The following HTRA4 variants were observed in gnomAD, a reference collection of about 807,000 sequenced individuals.
The protein encoded by HTRA4 is HtrA serine peptidase 4, also known as serine protease HTRA4.
Under a neutral mutation model 49.1 loss-of-function variants are expected in HTRA4, and 46 were observed. The observed-to-expected ratio is 0.94, with a 90% confidence interval of 0.74 to 1.20. HTRA4 has a LOEUF of 1.20. Among genes scored for constraint, HTRA4 ranks in the 50% most tolerant of loss-of-function variants. HTRA4 has a pLI of 0.00. For missense variants in HTRA4, 602 were observed against 636.9 expected (o/e 0.95, Z 0.59); for synonymous variants, 261 against 264.0 (o/e 0.99, Z 0.11).
At chr8:38,976,121 CTG>C (rs1835348114) in intron 2 of HTRA4, among the ~76,000 whole-genome samples, 1 of 152,146 alleles carries the variant, frequency 6.6e-6, no homozygotes, top group Non-Finnish European at 1.5e-5. Context: ...TCTGAGAAAA[CTG>C]AAGGAAGGCT....
At chr8:38,978,198 A>T in intron 4 of HTRA4, 51 bp downstream of exon 4, 2 of 1,479,330 alleles carry the variant, frequency 1.4e-6, no homozygotes, top group Non-Finnish European at 9.2e-7. Context: ...GGACCAGTAC[A>T]GGTCCATGGC....
rs1810114989 is a variant in HTRA4, at chr8:38,988,534, T to G, written c.*436T>G. On this transcript the variant is annotated 3_prime_UTR_variant, in exon 9 of 9. Coordinates refer to ENST00000302495, the MANE Select transcript of HTRA4 (RefSeq NM_153692.4). ...CAAAAATAGCTAATGCATGCTGGGC[T>G]TAACACCCAGGTGATGGGTTGATTG... 1 of 153,470 alleles carries G rather than the reference T, an allele frequency of 6.5e-6. No homozygotes were observed. Among genetic ancestry groups the G allele is most frequent in the Admixed American group, 6.5e-5 (1 of 15,338 alleles). The allele number at this position is 153,470 out of a possible 1,614,324, so 9.5% of individuals were successfully genotyped here.
At position 38,974,510 on chromosome 8, in the gene HTRA4, G is replaced by T. The variant is rs1393764237; in HGVS notation, c.247G>T (p.Ala83Ser). 4 of 1,473,500 alleles carry T rather than the reference G, an allele frequency of 2.7e-6. No homozygotes were observed. The highest frequency in any genetic ancestry group is 1.5e-5 in the African/African-American group (1 of 67,664). The allele number at this position is 1,473,500 out of a possible 1,614,324, so 91.3% of individuals were successfully genotyped here. Residue 83 changes from alanine (A) to serine (S), a missense_variant, in exon 1 of 9, where the codon GCG becomes TCG. By Grantham distance (99) the Ala-to-Ser change is moderately conservative. Transcript: ENST00000302495. ...PAAEREVCGG[A>S]QGQPCAPGLQ... Reference sequence around the variant, plus strand: ...GGCCGAGCGTGAAGTCTGCGGCGGGGCGCAGGGCCAACCGTGCGCCCCGGG... The same window carrying T: ...GGCCGAGCGTGAAGTCTGCGGCGGGTCGCAGGGCCAACCGTGCGCCCCGGG...
chr8:38,987,888 AATTCTTGTTAT>A, intron 8 of HTRA4, 37 bp from the exon 9 acceptor site: 1 of 1,476,166 alleles, frequency 6.8e-7, no homozygotes, highest in South Asian at 1.4e-5. Flanking sequence ...GGATAAGTAA[AATTCTTGTTAT>A]AGTTTCATGA....
At chr8:38,986,993 T>C (rs1174399369) in intron 8 of HTRA4, among the ~76,000 whole-genome samples, 2 of 152,264 alleles carry the variant, frequency 1.3e-5, no homozygotes, top group Non-Finnish European at 2.9e-5. Flanking sequence ...TCTTTCTTTG[T>C]ACTCACTGGT....
intron 4 of HTRA4, 53 bp downstream of exon 4, chr8:38,978,200 G>A: frequency 6.7e-7 from 1 of 1,484,666 alleles, no homozygotes; most frequent in Non-Finnish European, 9.1e-7. Flanking sequence ...ACCAGTACAG[G>A]TCCATGGCCT....
chr8:38,974,423 A>C lies in HTRA4; in HGVS notation c.160A>C (p.Thr54Pro). Reference sequence around the variant, plus strand: ...GCCCACGCGCTGCCCCGCGCTGCCCACCTGCGCGCTGGGGACCACGCCGGT... The same window carrying C: ...GCCCACGCGCTGCCCCGCGCTGCCCCCCTGCGCGCTGGGGACCACGCCGGT... ...CQPTRCPALP[T>P]CALGTTPVFD... Residue 54 changes from threonine to proline, a missense_variant, in exon 1 of 9, where the codon ACC becomes CCC. Transcript: ENST00000302495. The C allele has an allele frequency of 6.4e-7, 1 of 1,550,844 alleles. No individual in the cohort carries two copies. Among genetic ancestry groups the C allele is most frequent in the East Asian group, 2.4e-5 (1 of 41,508 alleles).
rs1835436414 is a variant in HTRA4, at chr8:38,982,557, T to C, written c.1172+2T>C. ...GCAAATGCTGTCCCTCACTGTGCCG[T>C]AAGCATGTGTTTGAATATGTCTGGG... On this transcript the variant is annotated splice_donor_variant, in intron 7 of 8. Transcript: ENST00000302495. LOFTEE classifies it high-confidence loss of function. 6.2e-7 allele frequency: 1 copy of C among 1,613,944 alleles called. No homozygotes were observed. Among genetic ancestry groups the C allele is most frequent in the Admixed American group, 1.7e-5 (1 of 60,000 alleles).
At chr8:38,985,702 C>T (rs1588295489) in intron 8 of HTRA4, among the ~76,000 whole-genome samples, 1 of 152,300 alleles carries the variant, frequency 6.6e-6, no homozygotes, top group East Asian at 1.9e-4. Context: ...AAGACCAAAG[C>T]TATTTCTTTC....
intron 5 of HTRA4, among the ~76,000 whole-genome samples, chr8:38,979,767 T>C (rs1245918284): frequency 3.3e-5 from 5 of 152,246 alleles, no homozygotes; most frequent in African/African-American, 1.2e-4. Context: ...TCCTCCTGCC[T>C]TGGCCTCCCA....
chr8:38,975,210 G>A (rs1289215044), intron 2 of HTRA4, 80 bp downstream of exon 2: 39 of 1,388,878 alleles, frequency 2.8e-5, no homozygotes, highest in Non-Finnish European at 3.4e-5. Flanking sequence ...CTTCGCAAGC[G>A]TCATTTAATC....
At position 38,976,635 on chromosome 8, in the gene HTRA4, C is replaced by A; in HGVS notation, c.667C>A (p.Gln223Lys). 6.2e-7 allele frequency: 1 copy of A among 1,614,130 alleles called. No homozygotes were observed. ...IITNAHVVRN[Q>K]QWIEVVLQNG... ...TACCAATGCCCATGTTGTCAGGAAC[C>A]AGCAGTGGATTGAGGTGGTGCTCCA... The change falls in exon 3 of 9, where the codon CAG becomes AAG. Residue 223 changes from glutamine (Q) to lysine (K), a missense_variant. By Grantham distance (53) the Gln-to-Lys change is moderately conservative (BLOSUM62 1). Coordinates refer to ENST00000302495, the MANE Select transcript of HTRA4 (RefSeq NM_153692.4).
At chr8:38,980,080 A>G (rs1835399967) in intron 5 of HTRA4, among the ~76,000 whole-genome samples, 1 of 152,180 alleles carries the variant, frequency 6.6e-6, no homozygotes, top group Non-Finnish European at 1.5e-5. Flanking sequence ...ATGTATTCTT[A>G]AATTGTATTC....
At chr8:38,977,818 G>A in intron 3 of HTRA4, 135 bp from the exon 4 acceptor site, 1 of 731,250 alleles carries the variant, frequency 1.4e-6, no homozygotes, top group Non-Finnish European at 2.2e-6. Flanking sequence ...GTGTGAGTGG[G>A]TGCTTCTCAG....
Position 38,974,353 on chromosome 8 carries a change from G to T in HTRA4, c.90G>T (p.Gly30=). 1 of 1,609,668 alleles carries T rather than the reference G, an allele frequency of 6.2e-7. No individual in the cohort carries two copies. ...LLLLVPVLWA[G]AEKLHTQPSC... ...TCCTGGTGCCCGTCCTCTGGGCCGG[G>T]GCTGAAAAGCTACATACCCAGCCCT... The change falls in exon 1 of 9, where the codon GGG becomes GGT. Residue 30 remains glycine, a synonymous_variant. Transcript: ENST00000302495.
At chr8:38,982,651 C>T (rs1011241900) in intron 7 of HTRA4, 96 bp downstream of exon 7, 5 of 1,152,764 alleles carry the variant, frequency 4.3e-6, no homozygotes, top group Non-Finnish European at 5.2e-6. Flanking sequence ...TGGACCACAG[C>T]CAGGTACTCT....
intron 5 of HTRA4, among the ~76,000 whole-genome samples, chr8:38,980,465 C>T (rs1205524628): frequency 1.3e-5 from 2 of 151,896 alleles, no homozygotes; most frequent in Non-Finnish European, 2.9e-5. Flanking sequence ...CGGTGGCTCA[C>T]TCCTGTAATC....
At chr8:38,977,430 T>C (rs1047277264) in intron 3 of HTRA4, among the ~76,000 whole-genome samples, 1 of 152,184 alleles carries the variant, frequency 6.6e-6, no homozygotes, top group Admixed American at 6.5e-5. Flanking sequence ...TCACATATAT[T>C]GACATGGTGT....
intron 5 of HTRA4, 87 bp downstream of exon 5, chr8:38,979,334 C>A: frequency 8.2e-7 from 1 of 1,219,912 alleles, no homozygotes; most frequent in Non-Finnish European, 1.2e-6. Context: ...GTGGCTCATG[C>A]CTGTAATCCC....
Sources: allele counts gnomAD v4.1 joint callset (sites outside exome capture counted in the v4.1 genomes callset), GRCh38; gene constraint gnomAD v4.1.1; transcripts MANE v1.5; gene names NCBI Gene and HGNC (gene_info 2026-07-23, HGNC 2026-07-21).